CNGB1: variants seen among roughly 807,000 people sequenced by gnomAD.
CNGB1 encodes cyclic nucleotide-gated channel beta-1.
A neutral mutation model predicts 151.7 loss-of-function variants in CNGB1; 126 were observed. The observed-to-expected ratio is 0.83, with a 90% CI of 0.72 to 0.96. The LOEUF (loss-of-function observed/expected upper bound fraction) is 0.96, where lower values mean the gene tolerates loss of function less well. Among genes scored for constraint, CNGB1 ranks in the 40% least tolerant of loss-of-function variants. The pLI is 0.00. For synonymous variants in CNGB1, 623 were observed against 635.1 expected (o/e 0.98, Z 0.29); for missense variants, 1,698 against 1,627.0 (o/e 1.04, Z -0.75).
In CNGB1 at chr16:57,897,777, T is replaced by C; in HGVS notation, c.3095+19A>G. ...AGCCCTTGCCCCAGGCCCCTCACTT[T>C]ACCCCAGCTGCGTCTGACCTTATTT... is the stretch of plus-strand genomic sequence containing the variant. On this transcript the variant is annotated intron_variant, in intron 30 of 32. Coordinates refer to ENST00000251102, the MANE Select transcript of CNGB1 (RefSeq NM_001297.5). 6.2e-7 allele frequency: 1 copy of C among 1,612,700 alleles called. No individual in the cohort carries two copies. Among genetic ancestry groups the C allele is most frequent in the South Asian group, 1.1e-5 (1 of 91,046 alleles).
intron 16 of CNGB1, among the ~76,000 whole-genome samples, chr16:57,936,796 AAAC>A (rs374702153): frequency 7.5e-5 from 9 of 119,832 alleles, no homozygotes; most frequent in African/African-American, 4.5e-4. Flanking sequence ...AAAAACAAAC[AAAC>A]AAAAAAAAAA....
At chr16:57,919,483 C>A (rs1419935639) in intron 19 of CNGB1, among the ~76,000 whole-genome samples, 1 of 152,308 alleles carries the variant, frequency 6.6e-6, no homozygotes, top group Middle Eastern at 3.4e-3. Context: ...GAAGTTCTTA[C>A]CAATTACAGT....
At chr16:57,885,580 T>TCTC (rs746385217) in intron 32 of CNGB1, among the ~76,000 whole-genome samples, 1,635 of 56,682 alleles carry the variant, frequency 0.029, 75 homozygotes, top group Admixed American at 0.065. Context: ...CTCTCTCTCT[T>TCTC]TCTTTCTTTC....
intron 14 of CNGB1, among the ~76,000 whole-genome samples, chr16:57,945,202 C>T (rs1428583224): frequency 2.6e-5 from 4 of 152,208 alleles, no homozygotes; most frequent in African/African-American, 7.2e-5. Context: ...CTCTGTTTCA[C>T]TGCCTGCCTC....
rs1960910512 is a variant in CNGB1, at chr16:57,917,625, TATACACACACACACACACACACAC to T, written c.1958-173_1958-150del. ...GTGTGTATGTGTGTGTGTGTGTATA[TATACACACACACACACACACACAC>T]ATACACACACACACAACTCTCTGCT... is the stretch of plus-strand genomic sequence containing the variant. On this transcript the variant is annotated intron_variant, in intron 20 of 32. Coordinates refer to ENST00000251102, the MANE Select transcript of CNGB1 (RefSeq NM_001297.5). The T allele has an allele frequency of 1.2e-5, 8 of 641,126 alleles. No individual in the cohort carries two copies. In the South Asian group the frequency reaches 1.3e-4, roughly 11 times the overall value. 39.7% of individuals were successfully genotyped at this position (641,126 alleles called of 1,614,324 possible).
At position 57,917,296 on chromosome 16, in the gene CNGB1, A is replaced by C; in HGVS notation, c.2138T>G (p.Leu713Arg). 6.2e-7 allele frequency: 1 copy of C among 1,614,044 alleles called. No individual in the cohort carries two copies. Among genetic ancestry groups the C allele is most frequent in the African/African-American group, 1.3e-5 (1 of 75,014 alleles). The part of the protein sequence containing the change: ...FLDITVFQTR[L>R]QFVRGGDIIT... Reference sequence around the variant, plus strand: ...GATGTCCCCGCCTCTGACAAACTGCAGGCGTGTCTGGAACACGGTGATGTC... The same window carrying C: ...GATGTCCCCGCCTCTGACAAACTGCCGGCGTGTCTGGAACACGGTGATGTC... Residue 713 changes from leucine (L) to arginine (R), a missense_variant, in exon 21 of 33, where the codon CTG (leucine) becomes CGG (arginine). Transcript: ENST00000251102.
At chr16:57,891,376 G>A (rs1221165065) in intron 31 of CNGB1, among the ~76,000 whole-genome samples, 2 of 152,030 alleles carry the variant, frequency 1.3e-5, no homozygotes, top group Non-Finnish European at 2.9e-5. Flanking sequence ...AGGCGTGGTG[G>A]TTCACACACA....
intron 31 of CNGB1, among the ~76,000 whole-genome samples, chr16:57,892,837 G>A (rs909960409): frequency 2.0e-5 from 3 of 152,178 alleles, no homozygotes; most frequent in East Asian, 1.9e-4. Flanking sequence ...TGCAGGTCTC[G>A]TTGAAATGCC....
At chr16:57,904,580 C>T (rs1403131123) in intron 26 of CNGB1, among the ~76,000 whole-genome samples, 154 bp downstream of exon 26, 1 of 152,192 alleles carries the variant, frequency 6.6e-6, no homozygotes, top group African/African-American at 2.4e-5. Context: ...CTTCACCGCG[C>T]AGGGACCAGT....
intron 3 of CNGB1, 79 bp downstream of exon 3, chr16:57,964,408 C>T: frequency 1.3e-6 from 2 of 1,568,052 alleles, no homozygotes; most frequent in South Asian, 1.1e-5. Context: ...GGTCCGCCAG[C>T]CTCGTGGGCT....
rs575430889 is a variant in CNGB1, at chr16:57,969,991, G to GC, written c.-9+1068dup. ...AGGGCAGCCCAGGCCCAGGATCCTT[G>GC]CCCCCAAGCCCAGCTCCCCAGAGCC... On this transcript the variant is annotated intron_variant, in intron 1 of 32. Coordinates refer to ENST00000251102, the MANE Select transcript of CNGB1 (RefSeq NM_001297.5). Among the ~76,000 whole-genome samples the GC allele has an allele frequency of 1.9e-3, 288 of 152,280 alleles. 3 individuals carry two copies. Among genetic ancestry groups the GC allele is most frequent in the African/African-American group, 6.6e-3 (275 of 41,554 alleles).
At chr16:57,954,883 T>C in intron 12 of CNGB1, 2 of 1,029,588 alleles carry the variant, frequency 1.9e-6, no homozygotes, top group Non-Finnish European at 2.3e-6. Context: ...CAATACTGAG[T>C]CCTCCATCCA....
In CNGB1 at chr16:57,929,476, G is replaced by GGAGA. The variant is rs59227159; in HGVS notation, c.1535+2236_1535+2239dup. Among the ~76,000 whole-genome samples, 27 of 145,848 alleles carry GGAGA rather than the reference G, an allele frequency of 1.9e-4. 1 individual carries two copies. Among genetic ancestry groups the GGAGA allele is most frequent in the African/African-American group, 5.2e-4 (20 of 38,232 alleles). On this transcript the variant is annotated intron_variant, in intron 17 of 32. Coordinates refer to ENST00000251102, the MANE Select transcript of CNGB1 (RefSeq NM_001297.5). ...GAGGGAGAGAGGAAAAGAGAGAGAGGGAGAGAGAGAGAGACTTTTTCTTTT... is the reference window on the plus strand; with the variant it reads ...GAGGGAGAGAGGAAAAGAGAGAGAGGGAGAGAGAGAGAGAGAGACTTTTTCTTTT...
chr16:57,910,130 AC>A (rs1354781361), intron 25 of CNGB1, among the ~76,000 whole-genome samples: 1 of 152,064 alleles, frequency 6.6e-6, no homozygotes, highest in Non-Finnish European at 1.5e-5. Context: ...TTACCTGAAA[AC>A]CTAATTCAGG....
intron 14 of CNGB1, among the ~76,000 whole-genome samples, chr16:57,942,939 T>G (rs932109206): frequency 9.3e-5 from 14 of 150,558 alleles, no homozygotes; most frequent in Admixed American, 4.6e-4. Context: ...AACCAATATA[T>G]AAAATATAGG....
At chr16:57,935,381 A>T (rs1961480433) in intron 16 of CNGB1, among the ~76,000 whole-genome samples, 1 of 152,220 alleles carries the variant, frequency 6.6e-6, no homozygotes, top group Non-Finnish European at 1.5e-5. Flanking sequence ...ATAGTAAGCA[A>T]ATAAAATTAG....
intron 31 of CNGB1, among the ~76,000 whole-genome samples, chr16:57,894,682 C>G (rs142937815): frequency 1.3e-5 from 2 of 152,276 alleles, no homozygotes; most frequent in African/African-American, 4.8e-5. Context: ...GAAATTGATG[C>G]AACGAGCCAC....
chr16:57,965,068 G>A (rs1470041841), intron 2 of CNGB1, among the ~76,000 whole-genome samples: 1 of 152,120 alleles, frequency 6.6e-6, no homozygotes, highest in Non-Finnish European at 1.5e-5. Context: ...GCACTTATGT[G>A]TATGTACAAA....
Position 57,931,658 on chromosome 16 carries a change from G to C in CNGB1, c.1535+58C>G. On this transcript the variant is annotated intron_variant, in intron 17 of 32. Transcript: ENST00000251102. ...CCCTCTGGCCTCAGTCTCTTCATCTGCCAAATAAACAGGTGGCACAGTGCC... is the reference window on the plus strand; with the variant it reads ...CCCTCTGGCCTCAGTCTCTTCATCTCCCAAATAAACAGGTGGCACAGTGCC... 3.1e-6 allele frequency: 5 copies of C among 1,589,846 alleles called. No individual in the cohort carries two copies. The South Asian group carries it at 5.6e-5, about 18-fold the overall frequency.
Sources: gnomAD v4.1 joint callset for allele counts (sites outside exome capture counted in the v4.1 genomes callset) on GRCh38, gnomAD v4.1.1 for gene constraint, MANE v1.5 for transcripts, NCBI Gene and HGNC (gene_info 2026-07-23, HGNC 2026-07-21) for gene names.